The following WWP2 variants were observed in gnomAD, a reference collection of about 807,000 sequenced individuals.
The protein encoded by WWP2 is NEDD4-like E3 ubiquitin-protein ligase WWP2.
A neutral mutation model predicts 121.0 loss-of-function variants in WWP2; 57 were observed. That is an observed-to-expected ratio of 0.47 (90% CI 0.38 to 0.59). The LOEUF (loss-of-function observed/expected upper bound fraction) is 0.59, where lower values mean the gene tolerates loss of function less well. WWP2 is among the 20% of genes least tolerant of loss of function. WWP2 has a pLI of 0.00. For missense variants in WWP2, 962 were observed against 1,158.9 expected (o/e 0.83, Z 2.47); for synonymous variants, 449 against 441.3 (o/e 1.02, Z -0.22).
chr16:69,789,251 A>T (rs1191090564), intron 2 of WWP2, among the ~76,000 whole-genome samples: 1 of 151,556 alleles, frequency 6.6e-6, no homozygotes, highest in African/African-American at 2.4e-5. Context: ...TTTTTTTGAG[A>T]TGGAGTCTCG....
At chr16:69,843,284 C>T (rs187625464) in intron 6 of WWP2, among the ~76,000 whole-genome samples, 4 of 151,904 alleles carry the variant, frequency 2.6e-5, no homozygotes, top group Non-Finnish European at 4.4e-5. Context: ...ACTTGTTATA[C>T]GTATTACAAA....
chr16:69,811,910 TC>T (rs1947910612), intron 4 of WWP2, among the ~76,000 whole-genome samples: 2 of 152,220 alleles, frequency 1.3e-5, no homozygotes, highest in Admixed American at 6.5e-5. Context: ...CGTGTTTCTT[TC>T]ATCCCTAAAT....
At chr16:69,882,193 T>G (rs2057843296) in intron 7 of WWP2, among the ~76,000 whole-genome samples, 1 of 152,100 alleles carries the variant, frequency 6.6e-6, no homozygotes, top group Non-Finnish European at 1.5e-5. Flanking sequence ...TGACCTCAGG[T>G]GATTCACTTG....
intron 10 of WWP2, among the ~76,000 whole-genome samples, chr16:69,920,682 G>C (rs963607788): frequency 1.3e-5 from 2 of 151,970 alleles, no homozygotes; most frequent in Admixed American, 6.6e-5. Context: ...CAACTTGGAA[G>C]ACTGGCGGGT....
chr16:69,897,514 A>T lies in WWP2; in HGVS notation c.914+9265A>T, dbSNP rs549456405. Among the ~76,000 whole-genome samples, 4 of 152,306 alleles carry T rather than the reference A, an allele frequency of 2.6e-5. No homozygotes were observed. In the South Asian group the frequency reaches 8.3e-4, roughly 32 times the overall value. ...CTGATCTCATTCCCTGTATACAGTG[A>T]TACATGGAACTTGGGACATGCATTT... On this transcript the variant is annotated intron_variant, in intron 8 of 23. Transcript: ENST00000359154.
chr16:69,779,951 A>G (rs1392627635), intron 1 of WWP2, among the ~76,000 whole-genome samples: 1 of 152,244 alleles, frequency 6.6e-6, no homozygotes, highest in Admixed American at 6.5e-5. Context: ...ACAAACAGTC[A>G]TAAAAACCAC....
At chr16:69,933,644 G>A (rs1470831483) in intron 16 of WWP2, among the ~76,000 whole-genome samples, 2 of 152,178 alleles carry the variant, frequency 1.3e-5, no homozygotes, top group Non-Finnish European at 2.9e-5. Flanking sequence ...GTGACCCAGG[G>A]TACAAGGACC....
chr16:69,775,440 C>T (rs1276909818), intron 1 of WWP2, among the ~76,000 whole-genome samples: 2 of 152,172 alleles, frequency 1.3e-5, no homozygotes, highest in Non-Finnish European at 2.9e-5. Context: ...GTCCTGTCTA[C>T]TGATGAGCCC....
intron 2 of WWP2, among the ~76,000 whole-genome samples, chr16:69,789,334 A>G (rs1483394274): frequency 2.0e-5 from 3 of 151,868 alleles, no homozygotes; most frequent in Non-Finnish European, 2.9e-5. Context: ...GGTTCAAGCA[A>G]TTCTTCTGCC....
At position 69,931,575 on chromosome 16, in the gene WWP2, C is replaced by T; in HGVS notation, c.1588C>T (p.Gln530Ter). ...SRQTLFEDSF[Q>*]QIMNMKPYDL... is the part of the protein sequence containing the mutation. ...GCAGACGCTTTTCGAAGATTCCTTC[C>T]AACAGGTTAGATCATGGTGCCCGAA... The change falls in exon 15 of 24, where the codon CAA becomes TAA. Residue 530 changes from glutamine (Q) to a stop codon, truncating the protein, a stop_gained. Coordinates refer to ENST00000359154, the MANE Select transcript of WWP2 (RefSeq NM_001270454.2). LOFTEE classifies it high-confidence loss of function. The T allele has an allele frequency of 6.2e-7, 1 of 1,613,986 alleles. No homozygotes were observed. Among genetic ancestry groups the T allele is most frequent in the Non-Finnish European group, 8.5e-7 (1 of 1,179,996 alleles).
chr16:69,902,370 G>A (rs527880398), intron 8 of WWP2, among the ~76,000 whole-genome samples: 2 of 152,326 alleles, frequency 1.3e-5, no homozygotes, highest in South Asian at 2.1e-4. Context: ...CAGTGCAAAG[G>A]TAATTTAGGG....
chr16:69,848,060 C>A (rs991478657), intron 6 of WWP2, among the ~76,000 whole-genome samples: 1 of 152,152 alleles, frequency 6.6e-6, no homozygotes, highest in Non-Finnish European at 1.5e-5. Flanking sequence ...AATGGAACAA[C>A]AACAACAAAA....
At chr16:69,810,529 G>T (rs987679197) in intron 4 of WWP2, among the ~76,000 whole-genome samples, 4 of 151,028 alleles carry the variant, frequency 2.6e-5, no homozygotes, top group African/African-American at 9.8e-5. Context: ...CTGGGTTCAC[G>T]CCATTCTCCT....
At chr16:69,773,253 A>G (rs2151770585) in intron 1 of WWP2, among the ~76,000 whole-genome samples, 1 of 151,534 alleles carries the variant, frequency 6.6e-6, no homozygotes, top group South Asian at 2.1e-4. Context: ...ATCTTGGCTC[A>G]CTGCAACCTT....
intron 22 of WWP2, 104 bp from the exon 23 acceptor site, chr16:69,939,237 C>T (rs1221200964): frequency 5.1e-6 from 8 of 1,559,254 alleles, no homozygotes; most frequent in Non-Finnish European, 5.3e-6. Context: ...AGAGCTGTGG[C>T]CTCTGCATCC....
intron 4 of WWP2, among the ~76,000 whole-genome samples, chr16:69,827,318 A>G (rs750599740): frequency 1.3e-5 from 2 of 151,674 alleles, no homozygotes; most frequent in African/African-American, 4.8e-5. Context: ...GGTGCATTCT[A>G]TAATGTCAGA....
At chr16:69,875,454 C>T (rs1489898185) in intron 7 of WWP2, among the ~76,000 whole-genome samples, 1 of 152,200 alleles carries the variant, frequency 6.6e-6, no homozygotes, top group South Asian at 2.1e-4. Context: ...TCAGTTGACT[C>T]TCCCTTTCAT....
chr16:69,925,553 CGT>C lies in WWP2; in HGVS notation c.1234+72_1234+73del. 1 of 1,571,594 alleles carries C rather than the reference CGT, an allele frequency of 6.4e-7. No homozygotes were observed. The highest frequency in any genetic ancestry group is 8.7e-7 in the Non-Finnish European group (1 of 1,152,776). ...CACGGTGCTCTGTCCTCTCCTCCCGCGTGTCTTCCTTCCCTGTTCCTGTCCCT... is the reference window on the plus strand; with the variant it reads ...CACGGTGCTCTGTCCTCTCCTCCCGCGTCTTCCTTCCCTGTTCCTGTCCCT... On this transcript the variant is annotated intron_variant, in intron 11 of 23. Transcript: ENST00000359154. This position sits in a 1 kb window ranked among gnomAD's most constrained non-coding sequence, Gnocchi z 4.0.
intron 1 of WWP2, among the ~76,000 whole-genome samples, chr16:69,770,200 G>A (rs1393196425): frequency 6.6e-6 from 1 of 152,202 alleles, no homozygotes; most frequent in African/African-American, 2.4e-5. Context: ...CTTTGGTTGG[G>A]GACTCCTGGA....
Sources: gnomAD v4.1 joint callset for allele counts (sites outside exome capture counted in the v4.1 genomes callset) on GRCh38, gnomAD v4.1.1 for gene constraint, Gnocchi (gnomAD v3.1) non-coding constraint, MANE v1.5 for transcripts, NCBI Gene and HGNC (gene_info 2026-07-23, HGNC 2026-07-21) for gene names.